WDR5: variants seen among roughly 807,000 people sequenced by gnomAD.
WDR5 encodes WD repeat-containing protein 5.
For missense variants in WDR5, 187 were observed against 416.9 expected (o/e 0.45, Z 4.80); for synonymous variants, 144 against 161.6 (o/e 0.89, Z 0.83).
At chr9:134,153,349 T>G (rs1249485221) in intron 9 of WDR5, among the ~76,000 whole-genome samples, 1 of 152,126 alleles carries the variant, frequency 6.6e-6, no homozygotes, top group Non-Finnish European at 1.5e-5. Context: ...GGTCGCTGCA[T>G]AGCAGTTTTC....
At chr9:134,153,125 C>T (rs1409565313) in intron 9 of WDR5, among the ~76,000 whole-genome samples, 1 of 152,216 alleles carries the variant, frequency 6.6e-6, no homozygotes, top group African/African-American at 2.4e-5. Context: ...ATTGAGATCA[C>T]ACCGCACTTG....
chr9:134,148,373 G>T (rs371900993), intron 8 of WDR5, 30 bp downstream of exon 8: 11 of 1,597,722 alleles, frequency 6.9e-6, no homozygotes, highest in Non-Finnish European at 8.6e-6. Flanking sequence ...TTCATGAAGC[G>T]ATGAGTGCTT....
rs752621435 is a variant in WDR5, at chr9:134,151,699, C to T, written c.585-284C>T. On this transcript the variant is annotated intron_variant, in intron 8 of 13. Transcript: ENST00000358625. ...AGAGTGGAGAGAGCAACAGGCTTCC[C>T]GCTCTGTGTTGGGGGTCAACTGTGG... 8.5e-5 allele frequency among the ~76,000 whole-genome samples: 13 copies of T among 152,218 alleles called. No homozygotes were observed. In the South Asian group the frequency reaches 1.7e-3, roughly 19 times the overall value.
intron 8 of WDR5, among the ~76,000 whole-genome samples, chr9:134,149,442 T>C (rs1269633750): frequency 6.6e-6 from 1 of 152,186 alleles, no homozygotes; most frequent in Non-Finnish European, 1.5e-5. Context: ...CGTTTACACT[T>C]GACCATTTAC....
intron 9 of WDR5, among the ~76,000 whole-genome samples, chr9:134,153,883 A>G (rs939737900): frequency 1.3e-5 from 2 of 152,078 alleles, no homozygotes; most frequent in Admixed American, 6.5e-5. Flanking sequence ...CATGTCCTGA[A>G]AACTCTGACC....
chr9:134,151,116 A>G (rs1007321355), intron 8 of WDR5, among the ~76,000 whole-genome samples: 1 of 152,178 alleles, frequency 6.6e-6, no homozygotes, highest in Non-Finnish European at 1.5e-5. Context: ...GGGCAGCAGG[A>G]TGGAGCTGTT....
chr9:134,136,400 C>G (rs1344032367), intron 1 of WDR5, among the ~76,000 whole-genome samples, 200 bp downstream of exon 1: 3 of 151,432 alleles, frequency 2.0e-5, no homozygotes, highest in Non-Finnish European at 3.0e-5. Flanking sequence ...GCGCGCAGTT[C>G]CCTCCACCCG....
In WDR5 at chr9:134,157,467, T is replaced by C. The variant is rs1832798477; in HGVS notation, c.905-426T>C. Among the ~76,000 whole-genome samples the C allele has an allele frequency of 6.6e-6, 1 of 151,998 alleles. No homozygotes were observed. The highest frequency in any genetic ancestry group is 1.5e-5 in the Non-Finnish European group (1 of 67,984). ...GGGGGAGGCGGTGGGAGTGGGCGGC[T>C]CAGGGTCCGAGGAGAAGAGGGACAT... On this transcript the variant is annotated intron_variant, in intron 13 of 13. Transcript: ENST00000358625. The surrounding 1 kb of genome is among the most constrained non-coding windows in gnomAD (Gnocchi z 5.0).
At chr9:134,153,474 C>T (rs998634389) in intron 9 of WDR5, among the ~76,000 whole-genome samples, 1 of 152,252 alleles carries the variant, frequency 6.6e-6, no homozygotes, top group Non-Finnish European at 1.5e-5. Context: ...GTTAGGCATG[C>T]GGACACGCTT....
chr9:134,142,611 T>C lies in WDR5; in HGVS notation c.445-25T>C, dbSNP rs1481920304. 3 of 1,613,644 alleles carry C rather than the reference T, an allele frequency of 1.9e-6. No homozygotes were observed. In the Admixed American group the frequency reaches 5.0e-5, roughly 27 times the overall value. On this transcript the variant is annotated intron_variant, in intron 6 of 13. Transcript: ENST00000358625. The stretch of plus-strand genomic sequence containing the variant: ...TTTGTCCCCTCTCCTTCCTGTAAAA[T>C]CACTGTCATCTCTTTTGTGTTCAGT...
chr9:134,145,425 T>A (rs1342222113), intron 7 of WDR5, among the ~76,000 whole-genome samples: 1 of 152,154 alleles, frequency 6.6e-6, no homozygotes, highest in African/African-American at 2.4e-5. Flanking sequence ...TCTGCGCACA[T>A]CTATGCCCTT....
intron 9 of WDR5, 57 bp from the exon 10 acceptor site, chr9:134,154,409 C>A (rs1832655484): frequency 6.3e-7 from 1 of 1,582,638 alleles, no homozygotes; most frequent in East Asian, 2.2e-5. Flanking sequence ...GTCCCACCTC[C>A]TGTCCCTGCC....
intron 9 of WDR5, among the ~76,000 whole-genome samples, chr9:134,153,221 G>C (rs1832582360): frequency 6.6e-6 from 1 of 152,200 alleles, no homozygotes; most frequent in Admixed American, 6.5e-5. Context: ...CCTCTGAGGA[G>C]GGGGGTTGTC....
intron 12 of WDR5, 83 bp downstream of exon 12, chr9:134,155,850 C>T: frequency 8.0e-7 from 1 of 1,252,624 alleles, no homozygotes; most frequent in Non-Finnish European, 1.1e-6. Flanking sequence ...TTGCTTTATA[C>T]TCAGAGACAC....
chr9:134,147,485 A>C (rs1832265366), intron 7 of WDR5, among the ~76,000 whole-genome samples: 1 of 152,130 alleles, frequency 6.6e-6, no homozygotes, highest in African/African-American at 2.4e-5. Context: ...AGCAAAGGAC[A>C]AGGTTGCCAC....
intron 8 of WDR5, among the ~76,000 whole-genome samples, chr9:134,151,529 C>G (rs1013132542): frequency 6.6e-6 from 1 of 152,208 alleles, no homozygotes; most frequent in African/African-American, 2.4e-5. Context: ...CTTGTACCTT[C>G]TGGGAATAGT....
intron 7 of WDR5, among the ~76,000 whole-genome samples, chr9:134,147,252 T>C (rs902235596): frequency 3.3e-5 from 5 of 152,242 alleles, no homozygotes; most frequent in African/African-American, 1.2e-4. Flanking sequence ...CTAGTGCTTC[T>C]CTGGGCGTGC....
intron 9 of WDR5, among the ~76,000 whole-genome samples, chr9:134,152,509 G>C (rs1832545668): frequency 6.6e-6 from 1 of 152,206 alleles, no homozygotes; most frequent in South Asian, 2.1e-4. Context: ...GGGAAGGCCA[G>C]GTGCTGGGCA....
At chr9:134,151,919 C>G (rs1417960143) in intron 8 of WDR5, 64 bp from the exon 9 acceptor site, 1 of 1,538,846 alleles carries the variant, frequency 6.5e-7, no homozygotes, top group Non-Finnish European at 8.8e-7. Context: ...ATATCTGACT[C>G]CCAGCAGCCC....
Sources: allele counts gnomAD v4.1 joint callset (sites outside exome capture counted in the v4.1 genomes callset), GRCh38; gene constraint gnomAD v4.1.1; non-coding constraint Gnocchi (gnomAD v3.1); transcripts MANE v1.5; gene names NCBI Gene and HGNC (gene_info 2026-07-23, HGNC 2026-07-21).